PSMA1: variants seen among roughly 807,000 people sequenced by gnomAD.
PSMA1 encodes proteasome subunit alpha type-1.
PSMA1 carries 3 observed loss-of-function variants against 38.4 expected under a neutral mutation model. The observed-to-expected ratio is 0.08, with a 90% CI of 0.04 to 0.20. PSMA1 has a LOEUF of 0.20. PSMA1 is among the 10% of genes least tolerant of loss of function. PSMA1 has a pLI of 1.00. For synonymous variants in PSMA1, 101 were observed against 107.1 expected (o/e 0.94, Z 0.35); for missense variants, 227 against 325.3 (o/e 0.70, Z 2.32).
intron 2 of PSMA1, among the ~76,000 whole-genome samples, chr11:14,561,854 CTAAACTA>C (rs1458335625): frequency 7.3e-6 from 1 of 137,804 alleles, no homozygotes; most frequent in Non-Finnish European, 1.6e-5. Context: ...CTAAACTAAA[CTAAACTA>C]AACTATAAAC....
At chr11:14,629,120 C>T (rs1244996039) in intron 1 of PSMA1, among the ~76,000 whole-genome samples, 1 of 151,508 alleles carries the variant, frequency 6.6e-6, no homozygotes, top group Non-Finnish European at 1.5e-5. Flanking sequence ...TGTAGGTTGT[C>T]TGTTCACTCT....
At chr11:14,592,047 G>A (rs931924925) in intron 2 of PSMA1, among the ~76,000 whole-genome samples, 13 of 151,308 alleles carry the variant, frequency 8.6e-5, no homozygotes, top group African/African-American at 1.2e-4. Context: ...CTCCAGACAT[G>A]CTGCCTTAAG....
chr11:14,607,689 T>A (rs1852659931), intron 2 of PSMA1, among the ~76,000 whole-genome samples: 1 of 151,342 alleles, frequency 6.6e-6, no homozygotes, highest in Non-Finnish European at 1.5e-5. Flanking sequence ...AGGTCTGACA[T>A]CTGTGCAAGA....
At chr11:14,591,213 C>T (rs1429241456) in intron 2 of PSMA1, among the ~76,000 whole-genome samples, 1 of 152,254 alleles carries the variant, frequency 6.6e-6, no homozygotes, top group Non-Finnish European at 1.5e-5. Flanking sequence ...AGGCCAGTGG[C>T]TGCAGAGGGT....
At chr11:14,610,099 A>C (rs182318912) in intron 2 of PSMA1, among the ~76,000 whole-genome samples, 2 of 152,234 alleles carry the variant, frequency 1.3e-5, no homozygotes, top group Admixed American at 1.3e-4. Flanking sequence ...TCAAGAAGTT[A>C]ATCTTTTACT....
chr11:14,571,137 A>G (rs571608357), intron 2 of PSMA1, among the ~76,000 whole-genome samples: 37 of 152,310 alleles, frequency 2.4e-4, no homozygotes, highest in Non-Finnish European at 4.6e-4. Context: ...ATCGCGGATC[A>G]TGGCAAGCTC....
chr11:14,598,725 GCATTTAGCC>G (rs1380624755), intron 2 of PSMA1, among the ~76,000 whole-genome samples: 1 of 149,312 alleles, frequency 6.7e-6, no homozygotes, highest in Non-Finnish European at 1.5e-5. Flanking sequence ...TTTAATTGGA[GCATTTAGCC>G]CATTTACATT....
intron 2 of PSMA1, among the ~76,000 whole-genome samples, chr11:14,530,646 G>A (rs185308885): frequency 7.9e-5 from 12 of 152,224 alleles, no homozygotes; most frequent in East Asian, 1.9e-4. Context: ...GCTCATGCCC[G>A]TAATCCCAGC....
intron 1 of PSMA1, among the ~76,000 whole-genome samples, chr11:14,626,780 G>T (rs957511746): frequency 2.0e-5 from 3 of 152,204 alleles, no homozygotes; most frequent in African/African-American, 7.2e-5. Flanking sequence ...GATAATTAGG[G>T]ATCTTTTTTA....
At chr11:14,545,689 A>T (rs570207754) in intron 2 of PSMA1, among the ~76,000 whole-genome samples, 33 of 152,380 alleles carry the variant, frequency 2.2e-4, no homozygotes, top group South Asian at 1.7e-3. Context: ...ATAGCAGTAG[A>T]TCTATTAACT....
intron 2 of PSMA1, among the ~76,000 whole-genome samples, chr11:14,588,241 C>A (rs1216036465): frequency 6.6e-6 from 1 of 152,164 alleles, no homozygotes; most frequent in Non-Finnish European, 1.5e-5. Flanking sequence ...GAAAAGAAAA[C>A]TTTCAACAGG....
At position 14,508,846 on chromosome 11, in the gene PSMA1, C is replaced by T. The variant is rs556650855; in HGVS notation, c.625-1080G>A. ...TGCCCCTCCTCCTTGAAAGTTTATT[C>T]GTTTGCCTCCAAAGATGCCTCATTT... On this transcript the variant is annotated intron_variant, in intron 8 of 9. Transcript: ENST00000396394. 1.4e-4 allele frequency among the ~76,000 whole-genome samples: 21 copies of T among 152,226 alleles called. No homozygotes were observed. The South Asian group carries it at 3.7e-3, about 27-fold the overall frequency.
chr11:14,517,596 C>A (rs1015456180), intron 4 of PSMA1, 46 bp downstream of exon 4: 2 of 1,402,836 alleles, frequency 1.4e-6, no homozygotes, highest in South Asian at 2.7e-5. Flanking sequence ...GAAAACTAAT[C>A]AATTATGAAA....
intron 2 of PSMA1, among the ~76,000 whole-genome samples, chr11:14,529,168 G>A (rs1851619676): frequency 6.6e-6 from 1 of 151,136 alleles, no homozygotes; most frequent in Non-Finnish European, 1.5e-5. Context: ...AGTTATGTTA[G>A]GCTTTTAAAA....
chr11:14,517,623 T>A lies in PSMA1; in HGVS notation c.254+19A>T. 1 of 1,489,788 alleles carries A rather than the reference T, an allele frequency of 6.7e-7. No individual in the cohort carries two copies. Among genetic ancestry groups the A allele is most frequent in the African/African-American group, 1.4e-5 (1 of 69,902 alleles). The allele number at this position is 1,489,788 out of a possible 1,614,324, so 92.3% of individuals were successfully genotyped here. On this transcript the variant is annotated intron_variant, in intron 4 of 9. Transcript: ENST00000396394. ...ATTATGAAACAAAAAGGATGTTTATTTTTCATGATTATACTTACCATAACA... is the reference window on the plus strand; with the variant it reads ...ATTATGAAACAAAAAGGATGTTTATATTTCATGATTATACTTACCATAACA...
At chr11:14,544,010 G>T (rs1341400167) in intron 2 of PSMA1, among the ~76,000 whole-genome samples, 2 of 152,112 alleles carry the variant, frequency 1.3e-5, no homozygotes, top group African/African-American at 2.4e-5. Flanking sequence ...AGCAACAAAA[G>T]AAAATATAAT....
intron 1 of PSMA1, among the ~76,000 whole-genome samples, chr11:14,626,048 C>T (rs1487797362): frequency 1.3e-5 from 2 of 151,890 alleles, no homozygotes; most frequent in East Asian, 1.9e-4. Context: ...ATTCAAAAAA[C>T]GTTATTTTTG....
chr11:14,594,332 A>G (rs1480033450), intron 2 of PSMA1, among the ~76,000 whole-genome samples: 1 of 152,182 alleles, frequency 6.6e-6, no homozygotes, highest in Non-Finnish European at 1.5e-5. Flanking sequence ...TGGAAGGAGC[A>G]CTACAACAGT....
chr11:14,616,589 A>C (rs1015370961), intron 1 of PSMA1, among the ~76,000 whole-genome samples: 4 of 152,110 alleles, frequency 2.6e-5, no homozygotes, highest in African/African-American at 9.7e-5. Flanking sequence ...CAAATTGAGA[A>C]ATAAGATTAC....
Sources: allele counts gnomAD v4.1 joint callset (sites outside exome capture counted in the v4.1 genomes callset), GRCh38; gene constraint gnomAD v4.1.1; transcripts MANE v1.5; gene names NCBI Gene and HGNC (gene_info 2026-07-23, HGNC 2026-07-21).